Variants in DOCK3 observed in about 807,000 individuals in gnomAD.
The protein encoded by DOCK3 is dedicator of cytokinesis protein 3.
DOCK3 carries 60 observed loss-of-function variants against 265.6 expected under a neutral mutation model. That is an observed-to-expected ratio of 0.23 (90% confidence interval 0.18 to 0.28). The LOEUF (loss-of-function observed/expected upper bound fraction) is 0.28. Among genes scored for constraint, DOCK3 ranks in the 10% least tolerant of loss-of-function variants. DOCK3 has a pLI of 1.00. For synonymous variants in DOCK3, 881 were observed against 938.0 expected, an observed-to-expected ratio of 0.94 and a Z score of 1.11; for missense variants, 1,981 against 2,594.3, an observed-to-expected ratio of 0.76 and a Z score of 5.14.
intron 1 of DOCK3, among the ~76,000 whole-genome samples, chr3:50,772,841 C>A (rs1194818678): frequency 6.6e-6 from 1 of 151,834 alleles, no homozygotes; most frequent in Admixed American, 6.6e-5. Flanking sequence ...GAATTAATAT[C>A]ATTAAAATGC....
chr3:51,357,686 T>G, intron 44 of DOCK3, 72 bp from the exon 45 acceptor site: 2 of 1,515,190 alleles, frequency 1.3e-6, no homozygotes, highest in Non-Finnish European at 1.8e-6. Flanking sequence ...ATTAGTGGAC[T>G]CAAGTCTCCT....
chr3:50,917,956 G>A (rs762814568), intron 4 of DOCK3, among the ~76,000 whole-genome samples: 1 of 151,906 alleles, frequency 6.6e-6, no homozygotes, highest in Non-Finnish European at 1.5e-5. Context: ...TCCCCACCCT[G>A]TGTCCAGGTG....
chr3:51,235,549 C>T (rs1486434258), intron 19 of DOCK3, among the ~76,000 whole-genome samples: 1 of 152,050 alleles, frequency 6.6e-6, no homozygotes, highest in East Asian at 1.9e-4. Flanking sequence ...TATCTCTGAC[C>T]CAACCCCAAA....
chr3:51,197,846 A>G (rs564086092), intron 12 of DOCK3, among the ~76,000 whole-genome samples: 39 of 152,154 alleles, frequency 2.6e-4, no homozygotes, highest in Non-Finnish European at 4.1e-4. Context: ...CTTAGTCCCA[A>G]TGGGGCTTGC....
intron 5 of DOCK3, among the ~76,000 whole-genome samples, chr3:51,013,894 C>G (rs998409887): frequency 1.3e-5 from 2 of 152,342 alleles, no homozygotes; most frequent in East Asian, 3.9e-4. Flanking sequence ...GCCCCTCCCC[C>G]AGCCATGCTT....
chr3:50,795,386 C>T (rs1183578482), intron 2 of DOCK3, among the ~76,000 whole-genome samples: 2 of 151,962 alleles, frequency 1.3e-5, no homozygotes, highest in African/African-American at 4.8e-5. Flanking sequence ...GATTTTGTCT[C>T]TTTTTTATTT....
Position 51,123,789 on chromosome 3 carries a change from C to T in DOCK3, c.747-22760C>T, listed in dbSNP as rs187718297. On this transcript the variant is annotated intron_variant, in intron 9 of 52. Coordinates refer to ENST00000266037, the MANE Select transcript of DOCK3 (RefSeq NM_004947.5). ...GAGGGAAGCAGGTATTTAACATAAG[C>T]CGTATTGTTCACACAGACAGTCTAG... Among the ~76,000 whole-genome samples the T allele has an allele frequency of 1.2e-4, 18 of 152,272 alleles. No individual in the cohort carries two copies. The East Asian group carries it at 3.5e-3, about 29-fold the overall frequency.
intron 1 of DOCK3, among the ~76,000 whole-genome samples, chr3:50,711,554 G>A (rs572112268): frequency 1.3e-5 from 2 of 152,160 alleles, no homozygotes; most frequent in South Asian, 2.1e-4. Context: ...GAACCACCGC[G>A]CCCGGCCCAG....
At chr3:50,777,663 TTTA>T (rs1411431669) in intron 1 of DOCK3, among the ~76,000 whole-genome samples, 3 of 152,146 alleles carry the variant, frequency 2.0e-5, no homozygotes, top group African/African-American at 7.2e-5. Flanking sequence ...GTATTTTATT[TTTA>T]TTTTTTGCAG....
chr3:50,723,805 A>C (rs1192889754), intron 1 of DOCK3, among the ~76,000 whole-genome samples: 1 of 152,238 alleles, frequency 6.6e-6, no homozygotes, highest in African/African-American at 2.4e-5. Flanking sequence ...TTCATGACTA[A>C]AACACCAAAA....
At chr3:51,034,813 C>G (rs1479915201) in intron 5 of DOCK3, among the ~76,000 whole-genome samples, 1 of 151,754 alleles carries the variant, frequency 6.6e-6, no homozygotes, top group Non-Finnish European at 1.5e-5. Flanking sequence ...CTACAAATGC[C>G]CTATTTCACT....
chr3:51,332,585 A>G (rs1422199354), intron 33 of DOCK3, among the ~76,000 whole-genome samples: 1 of 152,178 alleles, frequency 6.6e-6, no homozygotes, highest in African/African-American at 2.4e-5. Flanking sequence ...CATGCCCATA[A>G]TCCAAGCACT....
intron 20 of DOCK3, 48 bp downstream of exon 20, chr3:51,236,476 A>G (rs1214161891): frequency 1.3e-6 from 2 of 1,526,826 alleles, no homozygotes; most frequent in Non-Finnish European, 1.8e-6. Context: ...TTCCTGTCAT[A>G]TATTTCAGAA....
At position 51,246,903 on chromosome 3, in the gene DOCK3, G is replaced by A. The variant is rs574874680; in HGVS notation, c.2184+96G>A. ...AATGTGCAGGACAAATGTAGACATCGCAGTACCTGGCCTGCTTTCAGGAAT... is the reference window on the plus strand; with the variant it reads ...AATGTGCAGGACAAATGTAGACATCACAGTACCTGGCCTGCTTTCAGGAAT... On this transcript the variant is annotated intron_variant, in intron 22 of 52. Coordinates refer to ENST00000266037, the MANE Select transcript of DOCK3 (RefSeq NM_004947.5). 4.1e-5 allele frequency: 48 copies of A among 1,182,004 alleles called. No individual in the cohort carries two copies. The East Asian group carries it at 5.9e-4, about 15-fold the overall frequency. 73.2% of individuals were successfully genotyped at this position (1,182,004 alleles called of 1,614,324 possible). A position where few individuals can be genotyped will look rare whatever the true frequency, so the allele number is the denominator to read the frequency against.
intron 27 of DOCK3, among the ~76,000 whole-genome samples, chr3:51,299,183 T>C (rs757308175): frequency 7.2e-5 from 11 of 152,186 alleles, no homozygotes; most frequent in Non-Finnish European, 1.6e-4. Context: ...GATGTTCAGC[T>C]TTTTTTCACG....
rs1180231746 is a variant in DOCK3 at position 51,281,661 on chromosome 3, G to A, written c.2922+1457G>A. The stretch of plus-strand genomic sequence containing the variant: ...TTGTGTTGGAGACTCTCCTCCTACA[G>A]ACTTTCCTATAGAGACTCCTGGATG... On this transcript the variant is annotated intron_variant, in intron 27 of 52. Transcript: ENST00000266037. Among the ~76,000 whole-genome samples the A allele has an allele frequency of 2.6e-5, 4 of 152,082 alleles. No homozygotes were observed. The South Asian group carries it at 8.3e-4, about 32-fold the overall frequency.
chr3:51,004,280 C>T (rs1473724483), intron 5 of DOCK3, among the ~76,000 whole-genome samples: 1 of 151,896 alleles, frequency 6.6e-6, no homozygotes, highest in African/African-American at 2.4e-5. Context: ...ATGGAGAGGC[C>T]CATGTGAGTG....
At position 51,211,366 on chromosome 3, in the gene DOCK3, T is replaced by A. The variant is rs186842264; in HGVS notation, c.1126+2504T>A. Among the ~76,000 whole-genome samples, 19 of 152,248 alleles carry A rather than the reference T, an allele frequency of 1.2e-4. 1 individual carries two copies. The highest frequency in any genetic ancestry group is 3.9e-4 in the African/African-American group (16 of 41,548). ...ACTTTGTTATTTTCTTTCTTTTTTT[T>A]AATTTTTTTTTATTATTATACTTTA... On this transcript the variant is annotated intron_variant, in intron 13 of 52. Coordinates refer to ENST00000266037, the MANE Select transcript of DOCK3 (RefSeq NM_004947.5).
intron 12 of DOCK3, among the ~76,000 whole-genome samples, chr3:51,170,670 C>A (rs886392574): frequency 6.6e-6 from 1 of 152,064 alleles, no homozygotes; most frequent in South Asian, 2.1e-4. Context: ...GTCAGCCGGG[C>A]GCGGTGGCTC....
Sources: allele counts gnomAD v4.1 joint callset (sites outside exome capture counted in the v4.1 genomes callset), GRCh38; gene constraint gnomAD v4.1.1; transcripts MANE v1.5; gene names NCBI Gene and HGNC (gene_info 2026-07-23, HGNC 2026-07-21).